PRSS23: variants seen among roughly 807,000 people sequenced by gnomAD.
The protein encoded by PRSS23 is serine protease 23.
A neutral mutation model predicts 34.7 loss-of-function variants in PRSS23; 25 were observed. The ratio of observed to expected loss-of-function variants is 0.72; its 90% CI spans 0.53 to 1.01. The LOEUF (loss-of-function observed/expected upper bound fraction) is 1.01. Among genes scored for constraint, PRSS23 ranks in the 50% least tolerant of loss-of-function variants. The pLI, the probability that PRSS23 is intolerant of heterozygous loss-of-function variation, is 0.00. For missense variants in PRSS23, 445 were observed against 475.6 expected (o/e 0.94, Z 0.60); for synonymous variants, 176 against 186.6 (o/e 0.94, Z 0.46).
At chr11:86,949,646 C>A (rs1382170161) in intron 2 of PRSS23, 2 of 152,608 alleles carry the variant, frequency 1.3e-5, no homozygotes, top group African/African-American at 4.8e-5. Flanking sequence ...CTGGGGGTAC[C>A]CCCTTGTGAA....
intron 2 of PRSS23, chr11:86,832,649 C>T: frequency 2.2e-6 from 1 of 449,528 alleles, no homozygotes; most frequent in Non-Finnish European, 4.4e-6. Flanking sequence ...TGCACCCTTT[C>T]TGGGGGAAGA....
intron 1 of PRSS23, among the ~76,000 whole-genome samples, chr11:86,818,422 A>G (rs1429413955): frequency 1.3e-5 from 2 of 152,180 alleles, no homozygotes; most frequent in Non-Finnish European, 2.9e-5. Context: ...TTTTCCTTAT[A>G]ACATGATTCT....
chr11:86,862,909 A>C (rs1412542397), intron 2 of PRSS23, among the ~76,000 whole-genome samples: 1 of 151,926 alleles, frequency 6.6e-6, no homozygotes, highest in Non-Finnish European at 1.5e-5. Context: ...AATGTCACAG[A>C]AGGTGTACAC....
chr11:86,893,637 A>G (rs1162359402), intron 2 of PRSS23, among the ~76,000 whole-genome samples: 3 of 152,238 alleles, frequency 2.0e-5, no homozygotes, highest in Non-Finnish European at 4.4e-5. Flanking sequence ...AGATAGGTAG[A>G]TAGAAATAGA....
chr11:86,879,774 G>A (rs1205831995), intron 2 of PRSS23, among the ~76,000 whole-genome samples: 2 of 119,036 alleles, frequency 1.7e-5, no homozygotes, highest in African/African-American at 3.2e-5. Flanking sequence ...AGGGAGGTGG[G>A]GGGGTCAGCC....
At position 86,924,257 on chromosome 11, in the gene PRSS23, T is replaced by A. The variant is rs575283124; in HGVS notation, c.207-26959T>A. Among the ~76,000 whole-genome samples, 43 of 152,228 alleles carry A rather than the reference T, an allele frequency of 2.8e-4. No homozygotes were observed. In the Middle Eastern group the frequency reaches 0.02, roughly 72 times the overall value. ...AGGTCGGCACCTGAGACAGCTCCCA[T>A]GGGCAAAATTCCTCTCCCAGAGACT... On this transcript the variant is annotated intron_variant, in intron 2 of 2. Transcript: ENST00000533902.
At chr11:86,844,073 A>G (rs1948468680) in intron 2 of PRSS23, among the ~76,000 whole-genome samples, 1 of 152,222 alleles carries the variant, frequency 6.6e-6, no homozygotes. Context: ...ACCATTGAAT[A>G]CTATGCAGCC....
chr11:86,807,851 C>T lies in PRSS23; in HGVS notation c.208C>T (p.His70Tyr). The change falls in exon 2 of 2, where the codon CAT becomes TAT. Residue 70 changes from histidine to tyrosine, a missense_variant. His to Tyr is a moderately conservative substitution (Grantham distance 83, BLOSUM62 2). Transcript: ENST00000280258. ...ATCTTCTTCATGTGGACCCCAGTGT[C>T]ATAAGGGAACTCCACTGCCCACTTA... Reference protein sequence around the residue: ...EVSSSCGPQCHKGTPLPTYEE... With the variant: ...EVSSSCGPQCYKGTPLPTYEE... 1 of 1,614,106 alleles carries T rather than the reference C, an allele frequency of 6.2e-7. No homozygotes were observed. Among genetic ancestry groups the T allele is most frequent in the Non-Finnish European group, 8.5e-7 (1 of 1,180,018 alleles).
At chr11:86,794,321 A>G (rs1301548682) in intron 1 of PRSS23, among the ~76,000 whole-genome samples, 1 of 152,184 alleles carries the variant, frequency 6.6e-6, no homozygotes, top group Non-Finnish European at 1.5e-5. Context: ...GGCCACTTCA[A>G]ATTTGGAGAC....
chr11:86,861,269 G>T (rs977770876), intron 2 of PRSS23, among the ~76,000 whole-genome samples: 1 of 150,930 alleles, frequency 6.6e-6, no homozygotes, highest in Admixed American at 6.6e-5. Context: ...GTCGCGGGGG[G>T]TGTCCACCCC....
At chr11:86,840,821 C>T (rs938382521) in intron 2 of PRSS23, among the ~76,000 whole-genome samples, 5 of 152,230 alleles carry the variant, frequency 3.3e-5, no homozygotes, top group African/African-American at 1.2e-4. Flanking sequence ...CAAAACTGCA[C>T]AACTACATGG....
Position 86,879,754 on chromosome 11 carries a change from C to T in PRSS23, c.206+56161C>T, listed in dbSNP as rs1280595737. On this transcript the variant is annotated intron_variant, in intron 2 of 2. Coordinates refer to the PRSS23 transcript ENST00000533902. ...GTCAGCCCCCCGCCCGGCCAGCCGC[C>T]CCGTCCGGGAGGGAGGTGGGGGGGT... Among the ~76,000 whole-genome samples, 7 of 142,166 alleles carry T rather than the reference C, an allele frequency of 4.9e-5. 1 individual carries two copies. The highest frequency in any genetic ancestry group is 6.9e-5 in the Admixed American group (1 of 14,582). 93.3% of individuals were successfully genotyped at this position (142,166 alleles called of 152,430 possible).
chr11:86,827,019 G>T (rs1327877146), intron 2 of PRSS23, among the ~76,000 whole-genome samples: 1 of 152,102 alleles, frequency 6.6e-6, no homozygotes, highest in Admixed American at 6.6e-5. Context: ...AAATGAGTTA[G>T]GGAGGATTCC....
chr11:86,886,969 C>T (rs1038930574), intron 2 of PRSS23, among the ~76,000 whole-genome samples: 7 of 152,020 alleles, frequency 4.6e-5, no homozygotes, highest in Non-Finnish European at 8.8e-5. Context: ...AAAAAGTGGA[C>T]TTTCCCAAGA....
chr11:86,923,478 T>C (rs1336221215), intron 2 of PRSS23, among the ~76,000 whole-genome samples: 1 of 152,332 alleles, frequency 6.6e-6, no homozygotes, highest in East Asian at 1.9e-4. Flanking sequence ...ATATTTCTAA[T>C]GGACAAAGCA....
chr11:86,913,288 A>C (rs72961456), intron 2 of PRSS23, among the ~76,000 whole-genome samples: 35 of 144,816 alleles, frequency 2.4e-4, no homozygotes, highest in Non-Finnish European at 2.6e-4. Context: ...AAAAAAAAAA[A>C]AAACCTATTA....
exon 3 of PRSS23, chr11:86,952,573 T>C: frequency 7.6e-7 from 1 of 1,316,520 alleles, no homozygotes; most frequent in Non-Finnish European, 1.1e-6. Flanking sequence ...GCAATCTAGG[T>C]ATCTACTTTT....
chr11:86,910,770 C>T (rs1948972145), intron 2 of PRSS23: 1 of 152,152 alleles, frequency 6.6e-6, no homozygotes, highest in South Asian at 2.1e-4. Context: ...ACTTTTAAAA[C>T]TACAAAACCA....
chr11:86,910,942 CA>C lies in PRSS23; in HGVS notation c.207-40273del, dbSNP rs551507424. On this transcript the variant is annotated intron_variant, in intron 2 of 2. Coordinates refer to the PRSS23 transcript ENST00000533902. ...AGGTGTTCAATGAATAATTAATTCA[CA>C]GTGAATTCTCTTACCTTTGCTCTCC... The C allele has an allele frequency of 3.0e-4, 46 of 152,208 alleles. 1 individual carries two copies. Among genetic ancestry groups the C allele is most frequent in the African/African-American group, 1.1e-3 (46 of 41,534 alleles). 9.4% of individuals were successfully genotyped at this position (152,208 alleles called of 1,614,324 possible).
Sources: allele counts gnomAD v4.1 joint callset (sites outside exome capture counted in the v4.1 genomes callset), GRCh38; gene constraint gnomAD v4.1.1; transcripts MANE v1.5; gene names NCBI Gene and HGNC (gene_info 2026-07-23, HGNC 2026-07-21).